CERS3: variants seen among roughly 807,000 people sequenced by gnomAD.
The protein encoded by CERS3 is LAG1 homolog, ceramide synthase 3.
In CERS3, 33 loss-of-function variants were observed where a neutral mutation model predicts 50.3. The observed-to-expected ratio is 0.66, with a 90% CI of 0.50 to 0.88. CERS3 has a LOEUF of 0.88. Ranked by LOEUF, CERS3 falls within the 40% of genes least tolerant of loss-of-function variation. The pLI is 0.00. For synonymous variants in CERS3, 176 were observed against 155.2 expected, an observed-to-expected ratio of 1.13 and a Z score of -0.99; for missense variants, 470 against 460.3, an observed-to-expected ratio of 1.02 and a Z score of -0.19.
chr15:100,487,605 C>T (rs1001428355), intron 4 of CERS3, among the ~76,000 whole-genome samples: 2 of 152,186 alleles, frequency 1.3e-5, no homozygotes, highest in Non-Finnish European at 2.9e-5. Context: ...AGGTCTCTCT[C>T]AGACACAGCC....
rs1278050176 is a variant in CERS3 at position 100,456,065 on chromosome 15, G to A, written c.846-19C>T. On this transcript the variant is annotated intron_variant, in intron 10 of 11. Coordinates refer to ENST00000679737, the MANE Select transcript of CERS3 (RefSeq NM_001378789.1). The stretch of plus-strand genomic sequence containing the variant: ...TAAAATCCTGAAACACCAAACAGTT[G>A]AGAGAATTTCATTACAACCAAAGCA... The A allele has an allele frequency of 1.9e-6, 3 of 1,578,830 alleles. No individual in the cohort carries two copies. In the African/African-American group the frequency reaches 4.1e-5, roughly 22 times the overall value.
At chr15:100,410,506 A>G (rs2142056620) in intron 11 of CERS3, among the ~76,000 whole-genome samples, 1 of 152,338 alleles carries the variant, frequency 6.6e-6, no homozygotes, top group East Asian at 1.9e-4. Context: ...GATCAAAGTC[A>G]AAGTTTTCCT....
chr15:100,507,206 GA>G (rs1048641365), intron 2 of CERS3, among the ~76,000 whole-genome samples: 13 of 152,060 alleles, frequency 8.5e-5, no homozygotes, highest in Admixed American at 7.2e-4. Flanking sequence ...CTTTATGGAA[GA>G]AAAAAACAGT....
intron 11 of CERS3, among the ~76,000 whole-genome samples, chr15:100,423,901 T>C (rs2032634680): frequency 6.6e-6 from 1 of 151,872 alleles, no homozygotes; most frequent in Non-Finnish European, 1.5e-5. Flanking sequence ...GTTAATTAAA[T>C]TTTTTTCTCC....
chr15:100,505,361 C>T (rs1252017167), intron 2 of CERS3, among the ~76,000 whole-genome samples: 1 of 152,176 alleles, frequency 6.6e-6, no homozygotes, highest in African/African-American at 2.4e-5. Flanking sequence ...TTGTGCATTA[C>T]ATGTAAGCAA....
intron 3 of CERS3, among the ~76,000 whole-genome samples, chr15:100,496,741 A>G (rs558822403): frequency 6.6e-6 from 1 of 152,316 alleles, no homozygotes; most frequent in African/African-American, 2.4e-5. Flanking sequence ...CAAAGGTACT[A>G]TCTTCTGCCA....
chr15:100,475,729 G>A (rs1247775693), intron 8 of CERS3: 1 of 152,914 alleles, frequency 6.5e-6, no homozygotes, highest in Non-Finnish European at 1.5e-5. Flanking sequence ...TATATGAAGT[G>A]GTTTTGCAAT....
chr15:100,517,336 G>A (rs1397624017), intron 2 of CERS3, among the ~76,000 whole-genome samples: 4 of 152,168 alleles, frequency 2.6e-5, no homozygotes, highest in African/African-American at 7.2e-5. Flanking sequence ...CAAGTGGTAC[G>A]ATGGCCAGCC....
At chr15:100,423,900 A>G (rs987367114) in intron 11 of CERS3, among the ~76,000 whole-genome samples, 3 of 144,392 alleles carry the variant, frequency 2.1e-5, no homozygotes, top group Non-Finnish European at 4.6e-5. Flanking sequence ...AGTTAATTAA[A>G]TTTTTTTCTC....
At chr15:100,425,442 G>A (rs1233681710) in intron 11 of CERS3, among the ~76,000 whole-genome samples, 4 of 151,898 alleles carry the variant, frequency 2.6e-5, no homozygotes, top group African/African-American at 9.7e-5. Flanking sequence ...GAGACATGGA[G>A]TCAAAGCAGA....
Position 100,414,434 on chromosome 15 carries a change from A to G in CERS3, c.1000-11569T>C, listed in dbSNP as rs1327625722. ...ACAGAATTAGAAAAATCTACTTTAA[A>G]TTTCATGTGGAACCAAAAAAGAGCC... On this transcript the variant is annotated intron_variant, in intron 11 of 11. Coordinates refer to ENST00000679737, the MANE Select transcript of CERS3 (RefSeq NM_001378789.1). Among the ~76,000 whole-genome samples, 16 of 152,170 alleles carry G rather than the reference A, an allele frequency of 1.1e-4. 1 individual carries two copies. The highest frequency in any genetic ancestry group is 2.2e-4 in the Non-Finnish European group (15 of 68,032).
rs376894899 is a variant in CERS3 at position 100,436,756 on chromosome 15, CA to C, written c.999+19136del. 1.6e-3 allele frequency among the ~76,000 whole-genome samples: 241 copies of C among 151,202 alleles called. 1 individual carries two copies. The highest frequency in any genetic ancestry group is 5.4e-3 in the African/African-American group (222 of 41,256). On this transcript the variant is annotated intron_variant, in intron 11 of 11. Transcript: ENST00000679737. ...CCAGCTATAGGGGATTCTAAAAGTACAAAAAAAAGAGATTGTTTTACTTATT... is the reference window on the plus strand; with the variant it reads ...CCAGCTATAGGGGATTCTAAAAGTACAAAAAAAGAGATTGTTTTACTTATT...
Position 100,421,762 on chromosome 15 carries a change from C to T in CERS3, c.1000-18897G>A, listed in dbSNP as rs1250821404. Among the ~76,000 whole-genome samples, 31 of 137,502 alleles carry T rather than the reference C, an allele frequency of 2.3e-4. No individual in the cohort carries two copies. In the East Asian group the frequency reaches 2.7e-3, roughly 12 times the overall value. 90.2% of individuals were successfully genotyped at this position (137,502 alleles called of 152,430 possible). ...TATAGATCAATGTAACAGAACAGAG[C>T]CCTCAGAAATAATGCCGCGTATCTA... On this transcript the variant is annotated intron_variant, in intron 11 of 11. Transcript: ENST00000679737.
chr15:100,464,183 C>A (rs2034639736), intron 10 of CERS3, among the ~76,000 whole-genome samples: 1 of 152,124 alleles, frequency 6.6e-6, no homozygotes, highest in African/African-American at 2.4e-5. Flanking sequence ...GCATATGTAT[C>A]CTTGGAAGTA....
At chr15:100,435,337 T>G (rs553659879) in intron 11 of CERS3, among the ~76,000 whole-genome samples, 2 of 152,286 alleles carry the variant, frequency 1.3e-5, no homozygotes, top group East Asian at 3.9e-4. Flanking sequence ...TGGAAACAGA[T>G]GCCAGCAGCC....
chr15:100,515,042 A>G (rs1397714546), intron 2 of CERS3, among the ~76,000 whole-genome samples: 2 of 152,210 alleles, frequency 1.3e-5, no homozygotes, highest in Non-Finnish European at 2.9e-5. Flanking sequence ...AAACCCAGGA[A>G]AGCCAGTGTT....
At chr15:100,540,714 G>C (rs115381060) in intron 1 of CERS3, among the ~76,000 whole-genome samples, 2 of 152,294 alleles carry the variant, frequency 1.3e-5, no homozygotes, top group Admixed American at 6.5e-5. Context: ...CTATGTGCGC[G>C]TACAGGTATG....
Position 100,402,818 on chromosome 15 carries a change from C to T in CERS3, c.1047G>A (p.Glu349=), listed in dbSNP as rs1334504967. ...TGGTAGCCTCTTCTTCTTCCTCTTCCTCTTCCTCTTCATAATCCTCGTCAT... is the reference window on the plus strand; with the variant it reads ...TGGTAGCCTCTTCTTCTTCCTCTTCTTCTTCCTCTTCATAATCCTCGTCAT... ...RSDDEDYEEE[E]EEEEEEATKG... is the part of the protein sequence containing the mutation. Residue 349 remains glutamate (E), a synonymous_variant, in exon 12 of 12, where the codon GAG becomes GAA. Coordinates refer to ENST00000679737, the MANE Select transcript of CERS3 (RefSeq NM_001378789.1). The T allele has an allele frequency of 2.5e-6, 4 of 1,613,580 alleles. No homozygotes were observed. The highest frequency in any genetic ancestry group is 3.4e-6 in the Non-Finnish European group (4 of 1,179,736).
At chr15:100,523,700 CA>C (rs34875423) in intron 1 of CERS3, among the ~76,000 whole-genome samples, 273 of 51,494 alleles carry the variant, frequency 5.3e-3, no homozygotes, top group East Asian at 0.023. Context: ...GACTCCATCT[CA>C]AAAAAAAAAA....
Sources: allele counts gnomAD v4.1 joint callset (sites outside exome capture counted in the v4.1 genomes callset), GRCh38; gene constraint gnomAD v4.1.1; transcripts MANE v1.5; gene names NCBI Gene and HGNC (gene_info 2026-07-23, HGNC 2026-07-21).